The following DYNLL2 variants were observed in gnomAD, a reference collection of about 807,000 sequenced individuals.
The protein encoded by DYNLL2 is dynein light chain LC8-type 2.
DYNLL2 carries 1 observed loss-of-function variant against 9.7 expected under a neutral mutation model. That is an observed-to-expected ratio of 0.10 (90% CI 0.04 to 0.49). The LOEUF (loss-of-function observed/expected upper bound fraction) is 0.49, where lower values mean the gene tolerates loss of function less well. Among genes scored for constraint, DYNLL2 ranks in the 20% least tolerant of loss-of-function variants. The pLI, the probability that DYNLL2 is intolerant of heterozygous loss-of-function variation, is 0.95. For synonymous variants in DYNLL2, 35 were observed against 40.5 expected (o/e 0.86, Z 0.52); for missense variants, 37 against 115.2 (o/e 0.32, Z 3.11).
Position 58,094,403 on chromosome 17 carries a change from CT to C in DYNLL2, c.*5125del, listed in dbSNP as rs1463525378. ...GTTGGGGAAAGAACAAAATCCCCCC[CT>C]CACACCCTATTGCACCACCAGCCTT... On this transcript the variant is annotated 3_prime_UTR_variant, in exon 3 of 3. Transcript: ENST00000579991. The C allele has an allele frequency of 7.9e-5, 12 of 152,150 alleles. No individual in the cohort carries two copies. The highest frequency in any genetic ancestry group is 7.4e-5 in the Non-Finnish European group (5 of 68,022). 9.4% of individuals were successfully genotyped at this position (152,150 alleles called of 1,614,324 possible).
rs1196484398 is a variant in DYNLL2 at position 58,089,407 on chromosome 17, T to C, written c.*128T>C. ...TGGCTGTGCTACTGCATGGACTGTA[T>C]ACTCGATTTCATGTGTATGTCGCAG... On this transcript the variant is annotated 3_prime_UTR_variant, in exon 3 of 3. Transcript: ENST00000579991. 2 of 1,250,392 alleles carry C rather than the reference T, an allele frequency of 1.6e-6. No individual in the cohort carries two copies. The highest frequency in any genetic ancestry group is 2.2e-6 in the Non-Finnish European group (2 of 911,452). The allele number at this position is 1,250,392 out of a possible 1,614,324, so 77.5% of individuals were successfully genotyped here. A position where few individuals can be genotyped will look rare whatever the true frequency, so the allele number is the denominator to read the frequency against.
intron 1 of DYNLL2, among the ~76,000 whole-genome samples, chr17:58,084,576 C>T (rs868682059): frequency 6.6e-6 from 1 of 152,098 alleles, no homozygotes; most frequent in African/African-American, 2.4e-5. Flanking sequence ...CTTTGCTTAC[C>T]GGCACCTTGG....
In DYNLL2 at chr17:58,095,102, CTTTTAT is replaced by C. The variant is rs1273954961; in HGVS notation, c.*5829_*5834del. 6.6e-6 allele frequency: 1 copy of C among 151,666 alleles called. No individual in the cohort carries two copies. The highest frequency in any genetic ancestry group is 1.5e-5 in the Non-Finnish European group (1 of 67,902). The allele number at this position is 151,666 out of a possible 1,614,324, so 9.4% of individuals were successfully genotyped here. ...TATGTTTTCAATTATCTTGGGGCAT[CTTTTAT>C]TTTTAATGTCAGTTTTCTATTTTTA... On this transcript the variant is annotated 3_prime_UTR_variant, in exon 3 of 3. Coordinates refer to ENST00000579991, the MANE Select transcript of DYNLL2 (RefSeq NM_080677.3).
In DYNLL2 at chr17:58,094,357, AT is replaced by A. The variant is rs1193513984; in HGVS notation, c.*5080del. On this transcript the variant is annotated 3_prime_UTR_variant, in exon 3 of 3. Coordinates refer to ENST00000579991, the MANE Select transcript of DYNLL2 (RefSeq NM_080677.3). ...GGTGATGATGATGATGATGATACTG[AT>A]TATTAGGGTATCTAATAAAGTTGGG... The A allele has an allele frequency of 6.6e-6, 1 of 152,184 alleles. No homozygotes were observed. The highest frequency in any genetic ancestry group is 1.5e-5 in the Non-Finnish European group (1 of 68,034). 9.4% of individuals were successfully genotyped at this position (152,184 alleles called of 1,614,324 possible).
chr17:58,088,981 CCTG>C (rs1039453499), intron 2 of DYNLL2, among the ~76,000 whole-genome samples, 158 bp from the exon 3 acceptor site: 3 of 151,650 alleles, frequency 2.0e-5, no homozygotes, highest in African/African-American at 7.3e-5. Context: ...AGCTTTAAAA[CCTG>C]AGCTTTTGAG....
chr17:58,093,234 C>T lies in DYNLL2; in HGVS notation c.*3955C>T, dbSNP rs9902118. ...CTGAAGAGAATGGCTGCCTTAGGCA[C>T]GGCTCTCCTTGCTGCCCAAGCCTTG... On this transcript the variant is annotated 3_prime_UTR_variant, in exon 3 of 3. Coordinates refer to ENST00000579991, the MANE Select transcript of DYNLL2 (RefSeq NM_080677.3). 92,723 of 152,070 alleles carry T rather than the reference C, an allele frequency of 0.61. 30,925 individuals are homozygous for T. The highest frequency in any genetic ancestry group is 0.91 in the East Asian group (4,700 of 5,164). 9.4% of individuals were successfully genotyped at this position (152,070 alleles called of 1,614,324 possible).
intron 1 of DYNLL2, among the ~76,000 whole-genome samples, chr17:58,084,126 C>G (rs548527508): frequency 1.3e-5 from 2 of 151,964 alleles, no homozygotes; most frequent in East Asian, 2.0e-4. Context: ...CGGCGCTGTT[C>G]CAGGCCGGGT....
Position 58,095,078 on chromosome 17 carries a change from A to ATGT in DYNLL2, c.*5801_*5803dup, listed in dbSNP as rs1333246291. On this transcript the variant is annotated 3_prime_UTR_variant, in exon 3 of 3. Transcript: ENST00000579991. ...TTGATGTACAGATTTTTGTGTAGATATGTTTTCAATTATCTTGGGGCATCT... is the reference window on the plus strand; with the variant it reads ...TTGATGTACAGATTTTTGTGTAGATATGTTGTTTTCAATTATCTTGGGGCATCT... 1.3e-5 allele frequency: 2 copies of ATGT among 151,602 alleles called. No homozygotes were observed. The highest frequency in any genetic ancestry group is 4.9e-5 in the African/African-American group (2 of 41,188). 9.4% of individuals were successfully genotyped at this position (151,602 alleles called of 1,614,324 possible).
intron 1 of DYNLL2, among the ~76,000 whole-genome samples, chr17:58,086,544 G>A (rs777451381): frequency 2.0e-5 from 3 of 152,168 alleles, no homozygotes; most frequent in Non-Finnish European, 4.4e-5. Flanking sequence ...CTAAGACCAC[G>A]AGAGATAAAC....
chr17:58,086,467 G>A (rs1015666659), intron 1 of DYNLL2, among the ~76,000 whole-genome samples: 2 of 152,094 alleles, frequency 1.3e-5, no homozygotes, highest in African/African-American at 4.8e-5. Context: ...ACAACAACTC[G>A]CGATAGAGAG....
chr17:58,087,336 A>C, intron 2 of DYNLL2, 114 bp downstream of exon 2: 1 of 1,425,144 alleles, frequency 7.0e-7, no homozygotes, highest in Non-Finnish European at 9.4e-7. Context: ...TGTGCAAGCA[A>C]AACCCTAGGA....
At chr17:58,087,015 C>T in intron 1 of DYNLL2, 67 bp from the exon 2 acceptor site, 2 of 1,583,714 alleles carry the variant, frequency 1.3e-6, no homozygotes, top group Non-Finnish European at 1.7e-6. Flanking sequence ...AGACCCCACA[C>T]CCAGCAGCTA....
chr17:58,093,466 A>G lies in DYNLL2; in HGVS notation c.*4187A>G, dbSNP rs2075787433. 1 of 152,192 alleles carries G rather than the reference A, an allele frequency of 6.6e-6. No individual in the cohort carries two copies. The highest frequency in any genetic ancestry group is 2.1e-4 in the South Asian group (1 of 4,830). 9.4% of individuals were successfully genotyped at this position (152,192 alleles called of 1,614,324 possible). On this transcript the variant is annotated 3_prime_UTR_variant, in exon 3 of 3. Coordinates refer to ENST00000579991, the MANE Select transcript of DYNLL2 (RefSeq NM_080677.3). ...CATTAGACACATTTTTGGATAAGCA[A>G]ACTGAATCAGAGAAGGTGAGTGGCA...
Position 58,089,180 on chromosome 17 carries a change from C to A in DYNLL2, c.171C>A (p.Ile57=). The A allele has an allele frequency of 6.2e-7, 1 of 1,613,980 alleles. No homozygotes were observed. Residue 57 remains isoleucine (I), a synonymous_variant, in exon 3 of 3, where the codon ATC becomes ATA. Coordinates refer to ENST00000579991, the MANE Select transcript of DYNLL2 (RefSeq NM_080677.3). The part of the protein sequence containing the change: ...DKKYNPTWHC[I]VGRNFGSYVT... ...AATATAACCCTACCTGGCATTGTAT[C>A]GTGGGCCGAAATTTTGGCAGCTACG...
At position 58,092,822 on chromosome 17, in the gene DYNLL2, C is replaced by T. The variant is rs1284270000; in HGVS notation, c.*3543C>T. The stretch of plus-strand genomic sequence containing the variant: ...TCTCTGTTCCCTGAACTCTAGTGTC[C>T]TCCAGACTAGATTTAAGGTGTGGTT... On this transcript the variant is annotated 3_prime_UTR_variant, in exon 3 of 3. Coordinates refer to ENST00000579991, the MANE Select transcript of DYNLL2 (RefSeq NM_080677.3). 1 of 152,200 alleles carries T rather than the reference C, an allele frequency of 6.6e-6. No homozygotes were observed. The highest frequency in any genetic ancestry group is 2.4e-5 in the African/African-American group (1 of 41,436). 9.4% of individuals were successfully genotyped at this position (152,200 alleles called of 1,614,324 possible).
intron 1 of DYNLL2, among the ~76,000 whole-genome samples, chr17:58,084,566 C>T (rs1205994745): frequency 1.3e-5 from 2 of 152,158 alleles, no homozygotes; most frequent in East Asian, 3.9e-4. Flanking sequence ...CCTTCCTGTG[C>T]TTTGCTTACC....
At position 58,084,733 on chromosome 17, in the gene DYNLL2, TG is replaced by T. The variant is rs566842588; in HGVS notation, c.-10+1053del. ...GTAACAAAGTTGCTCCTTTGGACTT[TG>T]GGAATGAGGCAGTGGAGCAGGTGAG... On this transcript the variant is annotated intron_variant, in intron 1 of 2. Coordinates refer to ENST00000579991, the MANE Select transcript of DYNLL2 (RefSeq NM_080677.3). Among the ~76,000 whole-genome samples, 558 of 152,312 alleles carry T rather than the reference TG, an allele frequency of 3.7e-3. 6 individuals carry two copies. The highest frequency in any genetic ancestry group is 0.013 in the African/African-American group (534 of 41,564).
rs2075773388 is a variant in DYNLL2 at position 58,089,740 on chromosome 17, G to C, written c.*461G>C. On this transcript the variant is annotated 3_prime_UTR_variant, in exon 3 of 3. Coordinates refer to ENST00000579991, the MANE Select transcript of DYNLL2 (RefSeq NM_080677.3). ...AGGGAGGCTGCAGGGGGACAGTGTT[G>C]GGATTGTCAAGGAAAAAGGGGTAGG... The C allele has an allele frequency of 2.5e-6, 1 of 403,070 alleles. No homozygotes were observed. Among genetic ancestry groups the C allele is most frequent in the Non-Finnish European group, 4.4e-6 (1 of 229,702 alleles). The allele number at this position is 403,070 out of a possible 1,614,324, so 25.0% of individuals were successfully genotyped here.
At position 58,092,402 on chromosome 17, in the gene DYNLL2, A is replaced by G. The variant is rs9900038; in HGVS notation, c.*3123A>G. ...TAGGTGCACAGTGCTCATCTGGAAG[A>G]CTAATCCTGCAGGGCTTCCTGGAGG... On this transcript the variant is annotated 3_prime_UTR_variant, in exon 3 of 3. Transcript: ENST00000579991. 0.8 allele frequency: 121,773 copies of G among 152,262 alleles called. 48,823 individuals are homozygous for G. The highest frequency in any genetic ancestry group is 0.91 in the East Asian group (4,712 of 5,172). The allele number at this position is 152,262 out of a possible 1,614,324, so 9.4% of individuals were successfully genotyped here.
Sources: gnomAD v4.1 joint callset for allele counts (sites outside exome capture counted in the v4.1 genomes callset) on GRCh38, gnomAD v4.1.1 for gene constraint, MANE v1.5 for transcripts, NCBI Gene and HGNC (gene_info 2026-07-23, HGNC 2026-07-21) for gene names.